EDIL3: variants seen among roughly 807,000 people sequenced by gnomAD.
The protein encoded by EDIL3 is EGF like and discoidin domains 3.
EDIL3 carries 37 observed loss-of-function variants against 67.4 expected under a neutral mutation model. The observed-to-expected ratio is 0.55, with a 90% CI of 0.42 to 0.72. EDIL3 has a LOEUF of 0.72. Ranked by LOEUF, EDIL3 falls within the 30% of genes least tolerant of loss-of-function variation. The probability of loss-of-function intolerance (pLI) is 0.00; values close to 1 mark genes in which losing one functional copy is unlikely to be tolerated. For missense variants in EDIL3, 527 were observed against 586.3 expected, an observed-to-expected ratio of 0.90 and a Z score of 1.04; for synonymous variants, 195 against 196.3, an observed-to-expected ratio of 0.99 and a Z score of 0.05.
At chr5:84,342,583 A>C (rs1580089560) in intron 1 of EDIL3, among the ~76,000 whole-genome samples, 1 of 152,116 alleles carries the variant, frequency 6.6e-6, no homozygotes, top group East Asian at 1.9e-4. Flanking sequence ...TAAAGAAAAA[A>C]CTTAATGCAT....
chr5:84,171,389 G>A (rs1033799833), intron 4 of EDIL3, among the ~76,000 whole-genome samples: 1 of 152,080 alleles, frequency 6.6e-6, no homozygotes, highest in African/African-American at 2.4e-5. Flanking sequence ...CCATGACAGT[G>A]GTCTTTGTTG....
intron 6 of EDIL3, among the ~76,000 whole-genome samples, chr5:84,074,281 G>T (rs1324545297): frequency 6.7e-6 from 1 of 149,704 alleles, no homozygotes; most frequent in East Asian, 2.0e-4. Flanking sequence ...TCAGGACATA[G>T]GCATGGGCAA....
At chr5:84,382,884 G>A (rs1255796778) in intron 1 of EDIL3, among the ~76,000 whole-genome samples, 1 of 152,000 alleles carries the variant, frequency 6.6e-6, no homozygotes, top group Non-Finnish European at 1.5e-5. Context: ...TCTGGGGGAC[G>A]GAGGGAGGCC....
chr5:84,202,850 T>C (rs927911265), intron 3 of EDIL3, among the ~76,000 whole-genome samples: 1 of 152,122 alleles, frequency 6.6e-6, no homozygotes, highest in Non-Finnish European at 1.5e-5. Context: ...ATATCTCCTA[T>C]AATGATTGTA....
intron 9 of EDIL3, among the ~76,000 whole-genome samples, chr5:84,021,112 CTTCT>C (rs1168995214): frequency 6.6e-6 from 1 of 151,740 alleles, no homozygotes; most frequent in Non-Finnish European, 1.5e-5. Flanking sequence ...TTATTTGGAT[CTTCT>C]TTCTTCTTTT....
chr5:84,301,268 C>CA lies in EDIL3; in HGVS notation c.68-47057dup, dbSNP rs796736918. Among the ~76,000 whole-genome samples the CA allele has an allele frequency of 6.3e-3, 457 of 72,382 alleles. 1 individual carries two copies. The highest frequency in any genetic ancestry group is 0.02 in the African/African-American group (411 of 21,002). 47.5% of individuals were successfully genotyped at this position (72,382 alleles called of 152,430 possible). On this transcript the variant is annotated intron_variant, in intron 1 of 10. Coordinates refer to ENST00000296591, the MANE Select transcript of EDIL3 (RefSeq NM_005711.5). ...GGGCAACAAGAGCGAAATTCTGTCT[C>CA]AAAAAAAAAAGAAAAAAAAAAAAGA...
intron 9 of EDIL3, among the ~76,000 whole-genome samples, chr5:84,022,482 A>T (rs979531616): frequency 5.9e-5 from 9 of 152,020 alleles, no homozygotes; most frequent in African/African-American, 2.2e-4. Flanking sequence ...GGAAAACTAA[A>T]AGACTCTACC....
chr5:84,051,336 A>T (rs1746333668), intron 9 of EDIL3, among the ~76,000 whole-genome samples: 1 of 152,238 alleles, frequency 6.6e-6, no homozygotes, highest in Non-Finnish European at 1.5e-5. Context: ...GACCAAAGGT[A>T]GATAAAACCA....
At position 84,293,917 on chromosome 5, in the gene EDIL3, T is replaced by C. The variant is rs1351685225; in HGVS notation, c.68-39705A>G. Among the ~76,000 whole-genome samples the C allele has an allele frequency of 5.9e-5, 9 of 152,000 alleles. No homozygotes were observed. In the East Asian group the frequency reaches 1.7e-3, roughly 29 times the overall value. On this transcript the variant is annotated intron_variant, in intron 1 of 10. Transcript: ENST00000296591. Reference sequence around the variant, plus strand: ...AAGTCTTAATACATTTATATAGACATACAAATACATATTTTAGGTTTGTTG... The same window carrying C: ...AAGTCTTAATACATTTATATAGACACACAAATACATATTTTAGGTTTGTTG...
At chr5:84,092,617 C>G (rs1256727824) in intron 6 of EDIL3, among the ~76,000 whole-genome samples, 44 of 152,014 alleles carry the variant, frequency 2.9e-4, no homozygotes, top group Non-Finnish European at 1.0e-4. Context: ...ATTTCATAAG[C>G]TATAAATATA....
chr5:84,177,301 C>A (rs1434677016), intron 4 of EDIL3, among the ~76,000 whole-genome samples: 1 of 151,846 alleles, frequency 6.6e-6, no homozygotes, highest in East Asian at 1.9e-4. Flanking sequence ...ACGGAGGAAC[C>A]TTAAATACAT....
chr5:84,061,176 C>G (rs1459006237), intron 8 of EDIL3, among the ~76,000 whole-genome samples: 1 of 152,014 alleles, frequency 6.6e-6, no homozygotes, highest in African/African-American at 2.4e-5. Flanking sequence ...ACTGAACAAA[C>G]CTTTTAATAC....
intron 2 of EDIL3, among the ~76,000 whole-genome samples, chr5:84,238,650 G>C (rs1397934767): frequency 8.1e-6 from 1 of 123,488 alleles, no homozygotes; most frequent in Non-Finnish European, 1.6e-5. Flanking sequence ...GTTACAACAG[G>C]AGCTAAAATT....
rs1344986466 is a variant in EDIL3, at chr5:84,054,697, C to T, written c.1137+5603G>A. The stretch of plus-strand genomic sequence containing the variant: ...AACAGAGAGCCAAATGATGAGTGAA[C>T]TCCCATTCACAATTGCTTCAAAGAG... On this transcript the variant is annotated intron_variant, in intron 9 of 10. Transcript: ENST00000296591. Among the ~76,000 whole-genome samples the T allele has an allele frequency of 7.2e-5, 11 of 152,166 alleles. No individual in the cohort carries two copies. The South Asian group carries it at 1.5e-3, about 20-fold the overall frequency.
At chr5:84,276,889 T>C (rs1745593357) in intron 1 of EDIL3, among the ~76,000 whole-genome samples, 1 of 152,150 alleles carries the variant, frequency 6.6e-6, no homozygotes, top group South Asian at 2.1e-4. Context: ...ACTTACTTTT[T>C]GACTTTATGT....
intron 3 of EDIL3, among the ~76,000 whole-genome samples, chr5:84,218,958 G>A (rs766893279): frequency 6.6e-6 from 1 of 152,202 alleles, no homozygotes; most frequent in Non-Finnish European, 1.5e-5. Flanking sequence ...ACACAAGCCT[G>A]GCTGGCTTTG....
chr5:84,137,477 A>G (rs1748114403), intron 4 of EDIL3, 123 bp from the exon 5 acceptor site: 1 of 747,550 alleles, frequency 1.3e-6, no homozygotes, highest in Non-Finnish European at 2.1e-6. Flanking sequence ...GTGTGTAGGC[A>G]TGTGTGTGTT....
intron 1 of EDIL3, among the ~76,000 whole-genome samples, chr5:84,262,462 GA>G (rs551993372): frequency 4.9e-4 from 74 of 151,766 alleles, no homozygotes; most frequent in Admixed American, 1.4e-3. Context: ...ACTGAGTTAA[GA>G]AAAAAATCAT....
At chr5:83,985,776 A>G (rs912370783) in intron 9 of EDIL3, among the ~76,000 whole-genome samples, 1 of 151,830 alleles carries the variant, frequency 6.6e-6, no homozygotes, top group Non-Finnish European at 1.5e-5. Flanking sequence ...ATATAATTTT[A>G]ATAGGTAAAA....
Sources: allele counts gnomAD v4.1 joint callset (sites outside exome capture counted in the v4.1 genomes callset), GRCh38; gene constraint gnomAD v4.1.1; transcripts MANE v1.5; gene names NCBI Gene and HGNC (gene_info 2026-07-23, HGNC 2026-07-21).